GALP: variants seen among roughly 807,000 people sequenced by gnomAD.
GALP encodes galanin like peptide, also known as galanin-like peptide.
In GALP, 12 loss-of-function variants were observed where a neutral mutation model predicts 15.2. The observed-to-expected ratio is 0.79, with a 90% CI of 0.51 to 1.28. The LOEUF is 1.28. GALP is among the 50% of genes most tolerant of loss of function. The pLI is 0.00. For synonymous variants in GALP, 58 were observed against 55.1 expected (o/e 1.05, Z -0.23); for missense variants, 161 against 145.6 (o/e 1.11, Z -0.55).
In GALP at chr19:56,185,567, G is replaced by A. The variant is rs1159474370; in HGVS notation, c.*297G>A. 3 of 258,664 alleles carry A rather than the reference G, an allele frequency of 1.2e-5. No homozygotes were observed. Among genetic ancestry groups the A allele is most frequent in the East Asian group, 8.0e-5 (1 of 12,522 alleles). The allele number at this position is 258,664 out of a possible 1,614,324, so 16.0% of individuals were successfully genotyped here. On this transcript the variant is annotated 3_prime_UTR_variant, in exon 6 of 6. Transcript: ENST00000357330. The stretch of plus-strand genomic sequence containing the variant: ...CCTGCAACACATTTAAAGGAATTGT[G>A]TTCTTTTGGAATCATCCCAATTATA...
intron 3 of GALP, 38 bp from the exon 4 acceptor site, chr19:56,182,134 A>G (rs1350865063): frequency 6.9e-7 from 1 of 1,459,814 alleles, no homozygotes; most frequent in East Asian, 2.3e-5. Flanking sequence ...GTTCTACTTA[A>G]CCGACCACCT....
chr19:56,177,343 T>A, intron 2 of GALP, 148 bp downstream of exon 2: 1 of 692,644 alleles, frequency 1.4e-6, no homozygotes. Context: ...ATTGCGTGTC[T>A]CTACTAAAAA....
intron 2 of GALP, among the ~76,000 whole-genome samples, chr19:56,177,849 G>A (rs1337345404): frequency 6.6e-6 from 1 of 152,132 alleles, no homozygotes; most frequent in African/African-American, 2.4e-5. Flanking sequence ...TAACTCGGAT[G>A]GCAGGCAGCT....
intron 2 of GALP, among the ~76,000 whole-genome samples, chr19:56,177,644 C>T (rs1327801474): frequency 1.3e-5 from 2 of 152,256 alleles, no homozygotes; most frequent in East Asian, 1.9e-4. Context: ...GTGTCAGCCA[C>T]GGCACCCAGT....
chr19:56,181,011 G>A (rs977296829), intron 3 of GALP, among the ~76,000 whole-genome samples: 4 of 139,274 alleles, frequency 2.9e-5, no homozygotes, highest in South Asian at 2.4e-4. Context: ...TGCAACCTCC[G>A]CCGCCCGAGT....
intron 4 of GALP, 83 bp from the exon 5 acceptor site, chr19:56,183,052 G>T (rs144859428): frequency 1.0e-6 from 1 of 965,982 alleles, no homozygotes; most frequent in Non-Finnish European, 1.6e-6. Context: ...TCTTGCTCCC[G>T]TCTTTGTGTC....
At chr19:56,178,037 C>T (rs2032495060) in intron 2 of GALP, among the ~76,000 whole-genome samples, 1 of 151,936 alleles carries the variant, frequency 6.6e-6, no homozygotes. Context: ...GGTGTTCTCA[C>T]CACAAAAAAG....
Position 56,180,630 on chromosome 19 carries a change from T to TC in GALP, c.135dup (p.Val46ArgfsTer9), listed in dbSNP as rs777539934. 1 of 1,613,676 alleles carries TC rather than the reference T, an allele frequency of 6.2e-7. No individual in the cohort carries two copies. Among genetic ancestry groups the TC allele is most frequent in the East Asian group, 2.2e-5 (1 of 44,850 alleles). On this transcript the variant is annotated frameshift_variant, in exon 3 of 6. Coordinates refer to ENST00000357330, the MANE Select transcript of GALP (RefSeq NM_033106.4). LOFTEE classifies it high-confidence loss of function. Reference sequence around the variant, plus strand: ...TCAATAGTGCTGGCTACCTTCTGGGTCCCGGTGAGTGAGGCTGCGCTCAGC... The same window carrying TC: ...TCAATAGTGCTGGCTACCTTCTGGGTCCCCGGTGAGTGAGGCTGCGCTCAGC...
At chr19:56,185,178 A>G (rs751516597) in intron 5 of GALP, 37 bp from the exon 6 acceptor site, 4 of 1,442,112 alleles carry the variant, frequency 2.8e-6, no homozygotes, top group Middle Eastern at 1.7e-4. Flanking sequence ...TGATAGTGAG[A>G]AAAACCATTC....
Position 56,185,267 on chromosome 19 carries a change from A to G in GALP, c.348A>G (p.Ser116=). The change falls in exon 6 of 6, where the codon TCA becomes TCG. Residue 116 remains serine, a synonymous_variant. Transcript: ENST00000357330. ...CCAAGGAGGAAGATGTCCTGAAGTC[A>G]TAGATGTCTTCAAATCCCTGTTCCT... ...KIPKEEDVLK[S] 6.3e-7 allele frequency: 1 copy of G among 1,594,384 alleles called. No individual in the cohort carries two copies. The highest frequency in any genetic ancestry group is 8.6e-7 in the Non-Finnish European group (1 of 1,162,842).
chr19:56,181,283 G>T (rs1039494525), intron 3 of GALP, among the ~76,000 whole-genome samples: 1 of 151,406 alleles, frequency 6.6e-6, no homozygotes, highest in African/African-American at 2.4e-5. Context: ...TGGGTGTAAT[G>T]ATGGCCCTTA....
rs1360245964 is a variant in GALP, at chr19:56,180,520, C to T, written c.88-66C>T. The T allele has an allele frequency of 1.3e-5, 18 of 1,366,136 alleles. 1 individual carries two copies. In the Admixed American group the frequency reaches 1.7e-4, roughly 13 times the overall value. 84.6% of individuals were successfully genotyped at this position (1,366,136 alleles called of 1,614,324 possible). A position where few individuals can be genotyped will look rare whatever the true frequency, so the allele number is the denominator to read the frequency against. On this transcript the variant is annotated intron_variant, in intron 2 of 5. Transcript: ENST00000357330. ...AGTCGTATGACGACCCACATCACCC[C>T]GGACCTGTGGGACGCCTGCCCCGCT...
At chr19:56,176,695 G>GCTGCC (rs1430032691) in intron 1 of GALP, among the ~76,000 whole-genome samples, 92 of 151,062 alleles carry the variant, frequency 6.1e-4, no homozygotes, top group East Asian at 1.2e-3. Context: ...CAGAGGGGTG[G>GCTGCC]AGGGAGTGAG....
intron 4 of GALP, among the ~76,000 whole-genome samples, chr19:56,182,482 A>G (rs2032584107): frequency 6.6e-6 from 1 of 152,120 alleles, no homozygotes. Context: ...TGTTTGAACC[A>G]TGGGCCCCGT....
intron 2 of GALP, among the ~76,000 whole-genome samples, chr19:56,179,635 CCT>C (rs1178934852): frequency 4.2e-5 from 6 of 142,730 alleles, no homozygotes; most frequent in African/African-American, 1.7e-4. Context: ...GGAGGAAGAG[CCT>C]CTCTTTTTTT....
Position 56,178,670 on chromosome 19 carries a change from G to A in GALP, c.87+1475G>A, listed in dbSNP as rs149223654. Among the ~76,000 whole-genome samples the A allele has an allele frequency of 7.1e-4, 108 of 152,178 alleles. 1 individual carries two copies. Among genetic ancestry groups the A allele is most frequent in the Admixed American group, 6.0e-3 (91 of 15,266 alleles). On this transcript the variant is annotated intron_variant, in intron 2 of 5. Transcript: ENST00000357330. Reference sequence around the variant, plus strand: ...TTTTTCTATATAACTAAGGGATAACGGAATCCATCCTATAGGGATGTTCGA... The same window carrying A: ...TTTTTCTATATAACTAAGGGATAACAGAATCCATCCTATAGGGATGTTCGA...
intron 4 of GALP, 86 bp from the exon 5 acceptor site, chr19:56,183,049 C>T: frequency 1.1e-6 from 1 of 937,342 alleles, no homozygotes; most frequent in African/African-American, 1.6e-5. Flanking sequence ...GTCTCTTGCT[C>T]CCGTCTTTGT....
At chr19:56,184,472 T>C (rs145775306) in intron 5 of GALP, among the ~76,000 whole-genome samples, 1,652 of 142,228 alleles carry the variant, frequency 0.012, 23 homozygotes, top group African/African-American at 0.04. Flanking sequence ...TCCTTTTTTT[T>C]CTTTTCTTTT....
At chr19:56,180,719 C>A in intron 3 of GALP, 85 bp downstream of exon 3, 1 of 1,074,928 alleles carries the variant, frequency 9.3e-7, no homozygotes, top group Non-Finnish European at 1.4e-6. Context: ...TTGTAAAGAC[C>A]CTCACCCACA....
Sources: allele counts gnomAD v4.1 joint callset (sites outside exome capture counted in the v4.1 genomes callset), GRCh38; gene constraint gnomAD v4.1.1; transcripts MANE v1.5; gene names NCBI Gene and HGNC (gene_info 2026-07-23, HGNC 2026-07-21).